Variants in EML5 observed in about 807,000 individuals in gnomAD.
EML5 encodes EMAP like 5.
Under a neutral mutation model 250.0 loss-of-function variants are expected in EML5, and 120 were observed. The observed-to-expected ratio is 0.48, with a 90% CI of 0.41 to 0.56. The LOEUF is 0.56. Ranked by LOEUF, EML5 falls within the 20% of genes least tolerant of loss-of-function variation. EML5 has a pLI of 0.00. For synonymous variants in EML5, 771 were observed against 806.5 expected, an observed-to-expected ratio of 0.96 and a Z score of 0.75; for missense variants, 2,006 against 2,437.6, an observed-to-expected ratio of 0.82 and a Z score of 3.73.
chr14:88,699,840 G>A (rs1236781831), intron 14 of EML5, among the ~76,000 whole-genome samples: 1 of 152,090 alleles, frequency 6.6e-6, no homozygotes, highest in African/African-American at 2.4e-5. Flanking sequence ...AACACGAAAC[G>A]ATGAACAGGT....
intron 17 of EML5, among the ~76,000 whole-genome samples, chr14:88,693,763 C>CTTTTTTTTTTTT (rs71127002): frequency 1.6e-5 from 1 of 62,846 alleles, no homozygotes; most frequent in African/African-American, 7.6e-5. Context: ...ATGTTAACAT[C>CTTTTTTTTTTTT]TTTTTTTTTT....
intron 1 of EML5, among the ~76,000 whole-genome samples, chr14:88,784,076 G>A (rs1396114947): frequency 6.6e-6 from 1 of 151,938 alleles, no homozygotes; most frequent in Admixed American, 6.5e-5. Flanking sequence ...AAATTAAAAA[G>A]GAAACTGAAA....
intron 24 of EML5, among the ~76,000 whole-genome samples, chr14:88,662,353 T>TTTTTTG (rs2092143206): frequency 1.4e-5 from 2 of 142,280 alleles, no homozygotes; most frequent in African/African-American, 5.6e-5. Context: ...TTTTTTTTTT[T>TTTTTTG]TTTTTTTTTT....
At chr14:88,655,717 AATCT>A (rs1567071092) in intron 27 of EML5, among the ~76,000 whole-genome samples, 2 of 152,216 alleles carry the variant, frequency 1.3e-5, no homozygotes. Flanking sequence ...AAATTTTTGC[AATCT>A]ATCCATCTGA....
At chr14:88,756,339 C>T (rs1193817690) in intron 1 of EML5, among the ~76,000 whole-genome samples, 3 of 152,122 alleles carry the variant, frequency 2.0e-5, no homozygotes, top group African/African-American at 4.8e-5. Flanking sequence ...AAACTAGAAA[C>T]TGAAGGAAAC....
chr14:88,638,208 C>A (rs1428526376), intron 32 of EML5, among the ~76,000 whole-genome samples: 3 of 152,148 alleles, frequency 2.0e-5, no homozygotes, highest in Non-Finnish European at 2.9e-5. Context: ...CTAAACAGAC[C>A]TGCCATCCTC....
At chr14:88,652,193 A>G (rs1382529902) in intron 27 of EML5, among the ~76,000 whole-genome samples, 1 of 152,138 alleles carries the variant, frequency 6.6e-6, no homozygotes, top group Non-Finnish European at 1.5e-5. Context: ...GCCTCTTTAT[A>G]CATAATGAAA....
At chr14:88,690,097 C>T (rs527546733) in intron 17 of EML5, among the ~76,000 whole-genome samples, 4 of 152,056 alleles carry the variant, frequency 2.6e-5, no homozygotes, top group South Asian at 2.1e-4. Context: ...GCAAAGGCCC[C>T]GATACAACAA....
intron 1 of EML5, among the ~76,000 whole-genome samples, chr14:88,768,896 C>T (rs868304296): frequency 1.3e-4 from 20 of 152,070 alleles, no homozygotes; most frequent in African/African-American, 4.8e-4. Context: ...AAATGTTTTA[C>T]GCTCTGTGGG....
chr14:88,632,595 A>T (rs1349237194), intron 33 of EML5, among the ~76,000 whole-genome samples: 1 of 152,196 alleles, frequency 6.6e-6, no homozygotes, highest in Admixed American at 6.5e-5. Flanking sequence ...ATTTAATATA[A>T]GCAGGGTACT....
rs558812255 is a variant in EML5 at position 88,659,464 on chromosome 14, G to T, written c.3676-1076C>A. On this transcript the variant is annotated intron_variant, in intron 25 of 43. Transcript: ENST00000554922. ...TGACCTCAGGTGATCCACCTGCCTC[G>T]GCCTCCCAAAGTGCTGGGATTATAG... 1.4e-3 allele frequency among the ~76,000 whole-genome samples: 209 copies of T among 152,156 alleles called. 1 individual carries two copies. Among genetic ancestry groups the T allele is most frequent in the African/African-American group, 4.9e-3 (203 of 41,518 alleles).
In EML5 at chr14:88,630,023, ATTTTTTTT is replaced by A. The variant is rs58382081; in HGVS notation, c.4358-2212_4358-2205del. On this transcript the variant is annotated intron_variant, in intron 33 of 43. Transcript: ENST00000554922. ...TTTGATGCAGTATAATAAAAACTGT[ATTTTTTTT>A]TTTTTTTTTTTTTTTTGAGATGGAG... Among the ~76,000 whole-genome samples the A allele has an allele frequency of 4.9e-4, 41 of 84,238 alleles. 1 individual carries two copies. The South Asian group carries it at 0.012, about 24-fold the overall frequency. 55.3% of individuals were successfully genotyped at this position (84,238 alleles called of 152,430 possible). A position where few individuals can be genotyped will look rare whatever the true frequency, so the allele number is the denominator to read the frequency against.
Position 88,715,014 on chromosome 14 carries a change from G to C in EML5, c.1369C>G (p.Leu457Val). The change falls in exon 9 of 44, where the codon CTG becomes GTG. Residue 457 changes from leucine (L) to valine (V), a missense_variant. Around this residue, in one of 7 missense-constraint regions of EML5, gnomAD observed 1,375 missense variants for 1,590.3 expected, o/e 0.86. Transcript: ENST00000554922. ...TATCTACTGTCTGAAGACCAGTCCA[G>C]ATGAGTGATGAAACTAAGGGATCCC... Reference protein sequence around the residue: ...CLGSLSFITHLDWSSDSRYLQ... With the variant: ...CLGSLSFITHVDWSSDSRYLQ... The C allele has an allele frequency of 6.2e-7, 1 of 1,613,864 alleles. No homozygotes were observed. The highest frequency in any genetic ancestry group is 8.5e-7 in the Non-Finnish European group (1 of 1,179,834).
chr14:88,761,875 T>C (rs1310487669), intron 1 of EML5, among the ~76,000 whole-genome samples: 1 of 152,216 alleles, frequency 6.6e-6, no homozygotes, highest in Non-Finnish European at 1.5e-5. Context: ...GGCTTTTTAA[T>C]GATCACCATT....
chr14:88,630,008 T>C (rs12588400), intron 33 of EML5, among the ~76,000 whole-genome samples: 27,092 of 150,004 alleles, frequency 0.18, 2,998 homozygotes, highest in East Asian at 0.47. Flanking sequence ...TTTGATGCAG[T>C]ATAATAAAAA....
At chr14:88,647,237 A>G (rs1036866016) in intron 28 of EML5, among the ~76,000 whole-genome samples, 1 of 151,850 alleles carries the variant, frequency 6.6e-6, no homozygotes, top group Non-Finnish European at 1.5e-5. Flanking sequence ...GGTGGCACGC[A>G]CCTGTAATCC....
At chr14:88,621,826 G>A (rs1327745897) in intron 37 of EML5, 1 of 454,762 alleles carries the variant, frequency 2.2e-6, no homozygotes, top group Admixed American at 2.4e-5. Context: ...TAGGGCATAG[G>A]GTAATACGCA....
At chr14:88,690,787 G>C (rs1271125929) in intron 17 of EML5, among the ~76,000 whole-genome samples, 1 of 152,204 alleles carries the variant, frequency 6.6e-6, no homozygotes, top group South Asian at 2.1e-4. Flanking sequence ...AGAAGAGTTA[G>C]AGTGATGTCC....
At chr14:88,688,589 T>C in intron 17 of EML5, 116 bp from the exon 18 acceptor site, 1 of 1,034,890 alleles carries the variant, frequency 9.7e-7, no homozygotes, top group Non-Finnish European at 1.4e-6. Flanking sequence ...CATGCAACAG[T>C]AAGGAGAATT....
Sources: allele counts gnomAD v4.1 joint callset (sites outside exome capture counted in the v4.1 genomes callset), GRCh38; gene constraint gnomAD v4.1.1; regional missense constraint gnomAD v4.1.1; transcripts MANE v1.5; gene names NCBI Gene and HGNC (gene_info 2026-07-23, HGNC 2026-07-21).